PCDHGA3: variants seen among roughly 807,000 people sequenced by gnomAD.
The protein encoded by PCDHGA3 is protocadherin gamma subfamily A, 3.
In PCDHGA3, 40 loss-of-function variants were observed where a neutral mutation model predicts 58.5. That is an observed-to-expected ratio of 0.68 (90% CI 0.53 to 0.89). The LOEUF (loss-of-function observed/expected upper bound fraction) is 0.89. Ranked by LOEUF, PCDHGA3 falls within the 40% of genes least tolerant of loss-of-function variation. PCDHGA3 has a pLI of 0.00. For missense variants in PCDHGA3, 1,223 were observed against 1,195.9 expected (o/e 1.02, Z -0.33); for synonymous variants, 530 against 525.7 (o/e 1.01, Z -0.11).
rs747722740 is a variant in PCDHGA3, at chr5:141,485,835, C to G, written c.2425-8972C>G. 3 of 1,614,190 alleles carry G rather than the reference C, an allele frequency of 1.9e-6. No homozygotes were observed. In the South Asian group the frequency reaches 3.3e-5, roughly 18 times the overall value. On this transcript the variant is annotated intron_variant, in intron 1 of 3. Transcript: ENST00000253812. This position sits in a 1 kb window ranked among gnomAD's most constrained non-coding sequence, Gnocchi z 5.7. ...ACTGCTGTCGATGGAGGGAACCCGC[C>G]GAGATCTGGCACCGCAGAGCTCCGG...
chr5:141,356,017 GC>G, intron 1 of PCDHGA3: 1 of 1,613,934 alleles, frequency 6.2e-7, no homozygotes, highest in Non-Finnish European at 8.5e-7. Context: ...AGATGAAGGA[GC>G]CAATGGAGAC....
Position 141,414,827 on chromosome 5 carries a change from C to T in PCDHGA3, c.2424+68370C>T, listed in dbSNP as rs1253521902. On this transcript the variant is annotated intron_variant, in intron 1 of 3. Coordinates refer to ENST00000253812, the MANE Select transcript of PCDHGA3 (RefSeq NM_018916.4). Reference sequence around the variant, plus strand: ...GATCCTCCACTCAGCAGCAACGTGTCGTTGAGCCTGTTTGTGCTGGACCAG... The same window carrying T: ...GATCCTCCACTCAGCAGCAACGTGTTGTTGAGCCTGTTTGTGCTGGACCAG... 1.9e-6 allele frequency: 3 copies of T among 1,614,116 alleles called. No individual in the cohort carries two copies. Among genetic ancestry groups the T allele is most frequent in the African/African-American group, 1.3e-5 (1 of 74,946 alleles).
rs766835008 is a variant in PCDHGA3, at chr5:141,370,979, A to G, written c.2424+24522A>G. The G allele has an allele frequency of 3.7e-6, 6 of 1,613,990 alleles. 1 individual carries two copies. In the Admixed American group the frequency reaches 6.7e-5, roughly 18 times the overall value. On this transcript the variant is annotated intron_variant, in intron 1 of 3. Coordinates refer to ENST00000253812, the MANE Select transcript of PCDHGA3 (RefSeq NM_018916.4). ...ATGGCAGTAGGTACCCAGAGCTAGT[A>G]CTGAAAGCACCCCTGGACAGGGAAG...
rs922592733 is a variant in PCDHGA3 at position 141,487,979 on chromosome 5, C to T, written c.2425-6828C>T. Among the ~76,000 whole-genome samples the T allele has an allele frequency of 1.3e-5, 2 of 152,178 alleles. No individual in the cohort carries two copies. Among genetic ancestry groups the T allele is most frequent in the African/African-American group, 4.8e-5 (2 of 41,442 alleles). The stretch of plus-strand genomic sequence containing the variant: ...TGGACAAAGGTGGCTGTTTTCTCTA[C>T]TCTTCCTGAAAGAGGGGATCAGATT... On this transcript the variant is annotated intron_variant, in intron 1 of 3. Coordinates refer to ENST00000253812, the MANE Select transcript of PCDHGA3 (RefSeq NM_018916.4). The surrounding 1 kb of genome is among the most constrained non-coding windows in gnomAD (Gnocchi z 5.0).
At chr5:141,409,984 GGACGCC>G (rs2095344357) in intron 1 of PCDHGA3, 1 of 1,613,210 alleles carries the variant, frequency 6.2e-7, no homozygotes, top group Admixed American at 1.7e-5. Context: ...TGGTAGCGGT[GGACGCC>G]GACTCGGGAC....
intron 1 of PCDHGA3, among the ~76,000 whole-genome samples, chr5:141,444,000 A>T (rs2098413157): frequency 6.6e-6 from 1 of 152,070 alleles, no homozygotes; most frequent in African/African-American, 2.4e-5. Context: ...TTTAAATGCT[A>T]CCTGGGTATT....
intron 1 of PCDHGA3, chr5:141,419,030 C>G (rs1178461733): frequency 5.0e-6 from 8 of 1,613,768 alleles, no homozygotes; most frequent in Non-Finnish European, 6.8e-6. Context: ...TAGAGGTGTT[C>G]CATTTAAGAT....
chr5:141,509,719 C>G (rs2099877973), intron 3 of PCDHGA3, among the ~76,000 whole-genome samples: 1 of 152,152 alleles, frequency 6.6e-6, no homozygotes, highest in Non-Finnish European at 1.5e-5. Flanking sequence ...TGTCTGATGT[C>G]ACCTAGCTGT....
intron 1 of PCDHGA3, chr5:141,370,269 G>T: frequency 1.3e-6 from 1 of 783,944 alleles, no homozygotes; most frequent in East Asian, 2.7e-5. Flanking sequence ...TCCTGCAGCG[G>T]AGACACCCAT....
At chr5:141,351,464 A>G (rs906251737) in intron 1 of PCDHGA3, 5 of 1,613,600 alleles carry the variant, frequency 3.1e-6, no homozygotes, top group Non-Finnish European at 4.2e-6. Context: ...CAAGCTGGTG[A>G]TTGCTGGAGC....
chr5:141,448,118 G>A (rs1356488538), intron 1 of PCDHGA3, among the ~76,000 whole-genome samples: 1 of 151,534 alleles, frequency 6.6e-6, no homozygotes, highest in East Asian at 1.9e-4. Flanking sequence ...AAGAAAATTA[G>A]CCTCCCCCAC....
At chr5:141,418,233 A>T in intron 1 of PCDHGA3, 1 of 1,614,048 alleles carries the variant, frequency 6.2e-7, no homozygotes, top group Non-Finnish European at 8.5e-7. Flanking sequence ...GTGATTGAGG[A>T]TGTTAATGAC....
chr5:141,432,692 G>A lies in PCDHGA3; in HGVS notation c.2425-62115G>A. The A allele has an allele frequency of 6.2e-7, 1 of 1,613,964 alleles. No homozygotes were observed. Among genetic ancestry groups the A allele is most frequent in the Non-Finnish European group, 8.5e-7 (1 of 1,179,978 alleles). On this transcript the variant is annotated intron_variant, in intron 1 of 3. Transcript: ENST00000253812. The surrounding 1 kb of genome is among the most constrained non-coding windows in gnomAD (Gnocchi z 6.0). ...CGCGCTCAAGCAGAGCCTCGTAGTG[G>A]CCGTCCAGGACCACGGCCAGCCCCC...
rs766182165 is a variant in PCDHGA3 at position 141,478,048 on chromosome 5, C to T, written c.2425-16759C>T. ...ACACAGATTCACCCAGGCAGACTCT[C>T]ACGGTCTTGATCAAAGACAATGGGG... On this transcript the variant is annotated intron_variant, in intron 1 of 3. Transcript: ENST00000253812. 5.6e-6 allele frequency: 9 copies of T among 1,614,040 alleles called. No homozygotes were observed. In the Admixed American group the frequency reaches 1.0e-4, roughly 18 times the overall value.
chr5:141,400,439 C>T, intron 1 of PCDHGA3: 1 of 1,614,056 alleles, frequency 6.2e-7, no homozygotes. Context: ...CAATTGAGTT[C>T]AGGACAAGAC....
chr5:141,347,257 G>A (rs926144126), intron 1 of PCDHGA3, among the ~76,000 whole-genome samples: 1 of 151,442 alleles, frequency 6.6e-6, no homozygotes, highest in Non-Finnish European at 1.5e-5. Flanking sequence ...AGACTCAAGT[G>A]ATCCTCCCAC....
chr5:141,388,521 A>T (rs978300482), intron 1 of PCDHGA3: 2 of 1,613,722 alleles, frequency 1.2e-6, no homozygotes, highest in African/African-American at 2.7e-5. Context: ...CTTGACTTTG[A>T]CTGCCTTGGA....
intron 1 of PCDHGA3, chr5:141,393,882 T>G (rs1471060639): frequency 6.2e-7 from 1 of 1,614,028 alleles, no homozygotes; most frequent in South Asian, 1.1e-5. Flanking sequence ...TAGCCCAGTG[T>G]TAGAAAATTC....
intron 1 of PCDHGA3, chr5:141,427,630 T>C (rs1043983899): frequency 2.8e-6 from 2 of 702,530 alleles, no homozygotes; most frequent in African/African-American, 1.7e-5. Context: ...AATGCTCCGG[T>C]TTTCCACCAA....
Sources: allele counts gnomAD v4.1 joint callset (sites outside exome capture counted in the v4.1 genomes callset), GRCh38; gene constraint gnomAD v4.1.1; non-coding constraint Gnocchi (gnomAD v3.1); transcripts MANE v1.5; gene names NCBI Gene and HGNC (gene_info 2026-07-23, HGNC 2026-07-21).